ARFIP1: variants seen among roughly 807,000 people sequenced by gnomAD.
ARFIP1 encodes the protein ARF interacting protein 1.
Under a neutral mutation model 42.5 loss-of-function variants are expected in ARFIP1, and 24 were observed. The observed-to-expected ratio is 0.57, with a 90% CI of 0.41 to 0.80. ARFIP1 has a LOEUF of 0.80. Among genes scored for constraint, ARFIP1 ranks in the 30% least tolerant of loss-of-function variants. The pLI, the probability that ARFIP1 is intolerant of heterozygous loss-of-function variation, is 0.00. For missense variants in ARFIP1, 354 were observed against 434.0 expected (o/e 0.82, Z 1.64); for synonymous variants, 141 against 153.7 (o/e 0.92, Z 0.61).
intron 1 of ARFIP1, among the ~76,000 whole-genome samples, chr4:152,795,194 T>C (rs1339948552): frequency 5.3e-5 from 8 of 151,956 alleles, no homozygotes; most frequent in African/African-American, 1.9e-4. Flanking sequence ...TTGTTTGTTT[T>C]TGCTTTTTCA....
At chr4:152,890,197 G>T (rs531400168) in intron 8 of ARFIP1, among the ~76,000 whole-genome samples, 1 of 151,948 alleles carries the variant, frequency 6.6e-6, no homozygotes, top group African/African-American at 2.4e-5. Flanking sequence ...GAATCAAATG[G>T]TAATTGGAAG....
intron 8 of ARFIP1, among the ~76,000 whole-genome samples, chr4:152,908,717 A>G (rs1738580332): frequency 6.6e-6 from 1 of 152,142 alleles, no homozygotes; most frequent in Non-Finnish European, 1.5e-5. Flanking sequence ...TTTCACATAT[A>G]ACATCATACA....
chr4:152,891,067 A>T (rs1208520459), intron 8 of ARFIP1, among the ~76,000 whole-genome samples: 1 of 152,134 alleles, frequency 6.6e-6, no homozygotes, highest in African/African-American at 2.4e-5. Flanking sequence ...CTATATCCTC[A>T]CGTGGTGGAA....
intron 5 of ARFIP1, among the ~76,000 whole-genome samples, chr4:152,874,230 A>G (rs986396002): frequency 3.9e-5 from 6 of 152,202 alleles, no homozygotes; most frequent in Non-Finnish European, 7.3e-5. Flanking sequence ...TCTCATATTG[A>G]TATGCCACAT....
chr4:152,789,260 T>G (rs1731006771), intron 1 of ARFIP1, among the ~76,000 whole-genome samples: 1 of 151,810 alleles, frequency 6.6e-6, no homozygotes, highest in African/African-American at 2.4e-5. Context: ...CCGGCTAATT[T>G]TTGTATTTTT....
At chr4:152,803,815 T>C (rs1728614471) in intron 1 of ARFIP1, among the ~76,000 whole-genome samples, 1 of 151,376 alleles carries the variant, frequency 6.6e-6, no homozygotes, top group Non-Finnish European at 1.5e-5. Context: ...CAGTCTGCAG[T>C]TGTTGGAAGT....
chr4:152,911,870 G>C lies in ARFIP1; in HGVS notation c.*1651G>C, dbSNP rs928749834. 1 of 152,396 alleles carries C rather than the reference G, an allele frequency of 6.6e-6. No individual in the cohort carries two copies. Among genetic ancestry groups the C allele is most frequent in the Non-Finnish European group, 1.5e-5 (1 of 67,982 alleles). 9.4% of individuals were successfully genotyped at this position (152,396 alleles called of 1,614,324 possible). On this transcript the variant is annotated 3_prime_UTR_variant, in exon 9 of 9. Transcript: ENST00000353617. ...TTACATTCCCCAGAATGTGCCTCTA[G>C]TGTGAATTTTGTATTCTTATTAAAC...
At position 152,911,560 on chromosome 4, in the gene ARFIP1, A is replaced by G. The variant is rs1208613294; in HGVS notation, c.*1341A>G. 4 of 152,654 alleles carry G rather than the reference A, an allele frequency of 2.6e-5. No individual in the cohort carries two copies. Among genetic ancestry groups the G allele is most frequent in the African/African-American group, 9.6e-5 (4 of 41,456 alleles). 9.5% of individuals were successfully genotyped at this position (152,654 alleles called of 1,614,324 possible). A position where few individuals can be genotyped will look rare whatever the true frequency, so the allele number is the denominator to read the frequency against. On this transcript the variant is annotated 3_prime_UTR_variant, in exon 9 of 9. Coordinates refer to ENST00000353617, the MANE Select transcript of ARFIP1 (RefSeq NM_001025595.3). The stretch of plus-strand genomic sequence containing the variant: ...AGCTCTTTTAGTTTTTGTCATAGAC[A>G]TAAATTAATATTTTGAGAGGCATCC...
At chr4:152,816,010 C>G (rs1021739521) in intron 1 of ARFIP1, among the ~76,000 whole-genome samples, 1 of 152,136 alleles carries the variant, frequency 6.6e-6, no homozygotes, top group Non-Finnish European at 1.5e-5. Context: ...TCCCAAAGTG[C>G]TGGGATTACA....
chr4:152,836,840 A>C (rs1283683166), intron 2 of ARFIP1, among the ~76,000 whole-genome samples: 2 of 152,088 alleles, frequency 1.3e-5, no homozygotes, highest in Non-Finnish European at 2.9e-5. Flanking sequence ...ATTTGGTTAC[A>C]TGAATAAGTT....
At chr4:152,822,125 TA>T (rs1162104980) in intron 1 of ARFIP1, among the ~76,000 whole-genome samples, 1 of 151,686 alleles carries the variant, frequency 6.6e-6, no homozygotes, top group Non-Finnish European at 1.5e-5. Context: ...GCAGAATGGA[TA>T]AAAAAATTGC....
At chr4:152,876,575 A>C (rs1018386189) in intron 5 of ARFIP1, among the ~76,000 whole-genome samples, 6 of 152,236 alleles carry the variant, frequency 3.9e-5, no homozygotes, top group African/African-American at 9.7e-5. Context: ...TGCGATAGAA[A>C]AGAAAAACCC....
chr4:152,820,422 G>A (rs1217235317), intron 1 of ARFIP1, among the ~76,000 whole-genome samples: 1 of 152,030 alleles, frequency 6.6e-6, no homozygotes, highest in Non-Finnish European at 1.5e-5. Context: ...CTCACACACT[G>A]TATTAGTTTG....
intron 1 of ARFIP1, among the ~76,000 whole-genome samples, chr4:152,794,448 T>A (rs1731313654): frequency 6.6e-6 from 1 of 152,192 alleles, no homozygotes; most frequent in South Asian, 2.1e-4. Flanking sequence ...AATGATGTTG[T>A]GTCTTTCTTA....
Position 152,888,311 on chromosome 4 carries a change from A to G in ARFIP1, c.966+4A>G. On this transcript the variant is annotated splice_donor_region_variant and intron_variant, in intron 8 of 8. Transcript: ENST00000353617. ...GAAATTTCTAGAAGAAAATAAGGTAAATTCTTTACCTTCTAAGGTCTTTCT... is the reference window on the plus strand; with the variant it reads ...GAAATTTCTAGAAGAAAATAAGGTAGATTCTTTACCTTCTAAGGTCTTTCT... The G allele has an allele frequency of 1.3e-6, 2 of 1,586,292 alleles. No individual in the cohort carries two copies. Among genetic ancestry groups the G allele is most frequent in the Non-Finnish European group, 1.7e-6 (2 of 1,163,838 alleles).
chr4:152,876,534 A>C lies in ARFIP1; in HGVS notation c.411+3970A>C, dbSNP rs994255312. ...TTCAGTTTTATAAGGGAAGCAGAGC[A>C]TAAAAGTTTGGAGAATTTGCAGCCT... On this transcript the variant is annotated intron_variant, in intron 5 of 8. Coordinates refer to ENST00000353617, the MANE Select transcript of ARFIP1 (RefSeq NM_001025595.3). 3.3e-5 allele frequency among the ~76,000 whole-genome samples: 5 copies of C among 152,262 alleles called. No homozygotes were observed. The South Asian group carries it at 1.0e-3, about 31-fold the overall frequency.
intron 1 of ARFIP1, among the ~76,000 whole-genome samples, chr4:152,822,179 A>ACAC: frequency 6.6e-6 from 1 of 152,188 alleles, no homozygotes; most frequent in Admixed American, 6.5e-5. Flanking sequence ...GATAACACAT[A>ACAC]AGGATTCTTA....
At chr4:152,840,351 G>A (rs369909780) in intron 2 of ARFIP1, among the ~76,000 whole-genome samples, 1 of 152,204 alleles carries the variant, frequency 6.6e-6, no homozygotes, top group African/African-American at 2.4e-5. Flanking sequence ...GTGGAGTATT[G>A]AAATCCCCCA....
At chr4:152,787,398 A>T (rs1339674423) in intron 1 of ARFIP1, among the ~76,000 whole-genome samples, 1 of 152,226 alleles carries the variant, frequency 6.6e-6, no homozygotes, top group Non-Finnish European at 1.5e-5. Flanking sequence ...CAAAGTCAGA[A>T]TGCAGGTGTA....
Sources: allele counts gnomAD v4.1 joint callset (sites outside exome capture counted in the v4.1 genomes callset), GRCh38; gene constraint gnomAD v4.1.1; transcripts MANE v1.5; gene names NCBI Gene and HGNC (gene_info 2026-07-23, HGNC 2026-07-21).